Variants in PCDH15 observed in about 807,000 individuals in gnomAD.
The protein encoded by PCDH15 is protocadherin-15.
In PCDH15, 129 loss-of-function variants were observed where a neutral mutation model predicts 178.5. That is an observed-to-expected ratio of 0.72 (90% CI 0.63 to 0.84). The LOEUF (loss-of-function observed/expected upper bound fraction) is 0.84. PCDH15 is among the 40% of genes least tolerant of loss of function. PCDH15 has a pLI of 0.00. For missense variants in PCDH15, 2,230 were observed against 2,099.9 expected, an observed-to-expected ratio of 1.06 and a Z score of -1.21; for synonymous variants, 800 against 732.0, an observed-to-expected ratio of 1.09 and a Z score of -1.50.
In PCDH15 at chr10:53,823,564, G is replaced by GAGAAATGT. The variant is rs368371094; in HGVS notation, c.4368-3342_4368-3335dup. The GAGAAATGT allele has an allele frequency of 3.6e-3, 2,429 of 681,008 alleles. 47 individuals are homozygous for GAGAAATGT. The African/African-American group carries it at 0.038, about 11-fold the overall frequency. 42.2% of individuals were successfully genotyped at this position (681,008 alleles called of 1,614,324 possible). On this transcript the variant is annotated intron_variant, in intron 32 of 37. Transcript: ENST00000644397. Reference sequence around the variant, plus strand: ...AAAATCTTAGAGTTGTGAGAAGAATGAGAAATGTAAATGAAAAAAAAAGTA... The same window carrying GAGAAATGT: ...AAAATCTTAGAGTTGTGAGAAGAATGAGAAATGTAGAAATGTAAATGAAAAAAAAAGTA...
chr10:55,127,977 T>C (rs1357978277), intron 2 of PCDH15, among the ~76,000 whole-genome samples: 1 of 152,004 alleles, frequency 6.6e-6, no homozygotes, highest in Non-Finnish European at 1.5e-5. Flanking sequence ...GTGAAATCTA[T>C]AAAAAGCAAA....
chr10:55,549,778 C>T (rs1841967198), intron 2 of PCDH15, among the ~76,000 whole-genome samples: 1 of 152,068 alleles, frequency 6.6e-6, no homozygotes. Flanking sequence ...TGTTTTGTCA[C>T]TAATGTTGTC....
intron 20 of PCDH15, among the ~76,000 whole-genome samples, chr10:53,998,576 T>G (rs2091965859): frequency 6.6e-6 from 1 of 152,066 alleles, no homozygotes; most frequent in Non-Finnish European, 1.5e-5. Flanking sequence ...AAGAACTTGC[T>G]GGTAAGTTTG....
intron 1 of PCDH15, among the ~76,000 whole-genome samples, chr10:55,250,534 C>CTTTTTTTT (rs777000807): frequency 9.3e-6 from 1 of 107,972 alleles, no homozygotes. Context: ...TAAATAAATT[C>CTTTTTTTT]TTTTTTTTTT....
intron 2 of PCDH15, among the ~76,000 whole-genome samples, chr10:55,032,881 G>A (rs1290504472): frequency 6.6e-6 from 1 of 152,112 alleles, no homozygotes; most frequent in East Asian, 1.9e-4. Flanking sequence ...TACTCCAAAT[G>A]TTCTTGAAGC....
chr10:55,065,869 G>A (rs1334231436), intron 2 of PCDH15, among the ~76,000 whole-genome samples: 2 of 151,810 alleles, frequency 1.3e-5, no homozygotes, highest in Non-Finnish European at 2.9e-5. Flanking sequence ...ATTTCATACC[G>A]ACTAAGAATA....
chr10:55,596,161 CA>C (rs1421595974), intron 2 of PCDH15, among the ~76,000 whole-genome samples: 4 of 151,898 alleles, frequency 2.6e-5, no homozygotes, highest in African/African-American at 9.7e-5. Flanking sequence ...ATTACACCAC[CA>C]TATAGACACA....
intron 21 of PCDH15, among the ~76,000 whole-genome samples, chr10:53,987,140 AT>A (rs955312352): frequency 9.9e-5 from 15 of 152,240 alleles, no homozygotes; most frequent in African/African-American, 2.9e-4. Context: ...AAAAATGGAG[AT>A]TTTTTTAAGC....
chr10:55,239,365 A>T (rs1841482528), intron 1 of PCDH15, among the ~76,000 whole-genome samples: 2 of 152,200 alleles, frequency 1.3e-5, no homozygotes, highest in South Asian at 4.1e-4. Context: ...CACTTGCAAC[A>T]TAATAGAGAA....
At chr10:55,578,936 G>A (rs748030406) in intron 2 of PCDH15, among the ~76,000 whole-genome samples, 4 of 152,064 alleles carry the variant, frequency 2.6e-5, no homozygotes, top group Non-Finnish European at 5.9e-5. Flanking sequence ...ATAGCATGTG[G>A]GATTTATGGG....
intron 1 of PCDH15, among the ~76,000 whole-genome samples, chr10:55,221,454 T>C (rs1840872623): frequency 6.6e-6 from 1 of 152,190 alleles, no homozygotes; most frequent in Non-Finnish European, 1.5e-5. Flanking sequence ...TGCTGATGTT[T>C]ACTGTTCTCT....
chr10:54,397,724 T>C (rs1345716372), intron 3 of PCDH15, among the ~76,000 whole-genome samples: 1 of 152,046 alleles, frequency 6.6e-6, no homozygotes, highest in Non-Finnish European at 1.5e-5. Context: ...TTTGTGGTGA[T>C]AGAGTTTTTT....
intron 3 of PCDH15, among the ~76,000 whole-genome samples, chr10:54,418,025 T>A (rs140995161): frequency 2.0e-5 from 3 of 152,172 alleles, no homozygotes; most frequent in African/African-American, 4.8e-5. Context: ...AGATCTGGTT[T>A]AGCATTCTGA....
At chr10:54,451,573 T>C (rs2076482373) in intron 3 of PCDH15, among the ~76,000 whole-genome samples, 1 of 151,924 alleles carries the variant, frequency 6.6e-6, no homozygotes, top group Admixed American at 6.6e-5. Flanking sequence ...TAAATAGAAC[T>C]GAAGGTGATA....
At chr10:54,067,009 T>C in intron 17 of PCDH15, 124 bp from the exon 18 acceptor site, 1 of 819,936 alleles carries the variant, frequency 1.2e-6, no homozygotes, top group Non-Finnish European at 1.7e-6. Flanking sequence ...TCCTTAGCTT[T>C]CCAAAAAATA....
intron 2 of PCDH15, among the ~76,000 whole-genome samples, chr10:55,042,123 C>T (rs1840878304): frequency 6.6e-6 from 1 of 152,008 alleles, no homozygotes; most frequent in Admixed American, 6.6e-5. Context: ...TAGGTCTTAA[C>T]AAATGGTAAG....
intron 2 of PCDH15, among the ~76,000 whole-genome samples, chr10:55,416,279 C>G (rs1024369633): frequency 9.2e-5 from 14 of 151,752 alleles, no homozygotes; most frequent in African/African-American, 3.4e-4. Flanking sequence ...CCTACATTCT[C>G]CTGGTTATCG....
intron 8 of PCDH15, among the ~76,000 whole-genome samples, chr10:54,273,787 AG>A (rs1263999084): frequency 3.3e-5 from 5 of 152,214 alleles, no homozygotes; most frequent in Admixed American, 3.3e-4. Flanking sequence ...GCAATTTTAG[AG>A]GATAACAGCC....
chr10:54,113,125 A>T (rs773754391), intron 15 of PCDH15, among the ~76,000 whole-genome samples: 8 of 152,182 alleles, frequency 5.3e-5, no homozygotes, highest in Non-Finnish European at 4.4e-5. Context: ...ATTTCCGGGA[A>T]GTTTGGTCCT....
Sources: allele counts gnomAD v4.1 joint callset (sites outside exome capture counted in the v4.1 genomes callset), GRCh38; gene constraint gnomAD v4.1.1; transcripts MANE v1.5; gene names NCBI Gene and HGNC (gene_info 2026-07-23, HGNC 2026-07-21).